The following DNAH10 variants were observed in gnomAD, a reference collection of about 807,000 sequenced individuals.
The protein encoded by DNAH10 is dynein axonemal heavy chain 10.
In DNAH10, 348 loss-of-function variants were observed where a neutral mutation model predicts 506.6. That is an observed-to-expected ratio of 0.69 (90% CI 0.63 to 0.75). DNAH10 has a LOEUF of 0.75. Among genes scored for constraint, DNAH10 ranks in the 30% least tolerant of loss-of-function variants. The pLI is 0.00. For missense variants in DNAH10, 5,179 were observed against 5,787.1 expected, an observed-to-expected ratio of 0.89 and a Z score of 3.41; for synonymous variants, 2,059 against 2,198.6, an observed-to-expected ratio of 0.94 and a Z score of 1.78.
At position 123,934,711 on chromosome 12, in the gene DNAH10, T is replaced by A; in HGVS notation, c.13568T>A (p.Val4523Glu). ...AAGAGCAAACCCAAGGTGCTGGTTG[T>A]GGACCTGCCGATCCTGAAGATCATC... ...LIKSKPKVLV[V>E]DLPILKIIPI... Residue 4523 changes from valine (V) to glutamate (E), a missense_variant, in exon 78 of 79, where the codon GTG becomes GAG. Transcript: ENST00000673944. The A allele has an allele frequency of 3.1e-6, 5 of 1,613,864 alleles. No homozygotes were observed. Among genetic ancestry groups the A allele is most frequent in the Non-Finnish European group, 4.2e-6 (5 of 1,179,862 alleles).
At chr12:123,793,819 T>G (rs1958176368) in intron 11 of DNAH10, 123 bp from the exon 12 acceptor site, 2 of 723,054 alleles carry the variant, frequency 2.8e-6, no homozygotes, top group Non-Finnish European at 3.6e-6. Flanking sequence ...GATACCAGTT[T>G]CCATTACTTA....
chr12:123,893,018 C>T (rs969034343), intron 52 of DNAH10, among the ~76,000 whole-genome samples: 10 of 152,200 alleles, frequency 6.6e-5, no homozygotes, highest in African/African-American at 1.9e-4. Context: ...GGCGAGCTGG[C>T]GGCATCTAGG....
Position 123,935,571 on chromosome 12 carries a change from A to G in DNAH10, c.*90A>G. 2 of 1,381,148 alleles carry G rather than the reference A, an allele frequency of 1.4e-6. No homozygotes were observed. Among genetic ancestry groups the G allele is most frequent in the Non-Finnish European group, 2.0e-6 (2 of 1,018,208 alleles). The allele number at this position is 1,381,148 out of a possible 1,614,324, so 85.6% of individuals were successfully genotyped here. ...CTGTCATTTCTTGGGGCCTCTCAAG[A>G]GGCAGGAGGGGGACTGACACTGATT... On this transcript the variant is annotated 3_prime_UTR_variant, in exon 79 of 79. Transcript: ENST00000673944.
intron 25 of DNAH10, among the ~76,000 whole-genome samples, chr12:123,828,708 C>T (rs1323202067): frequency 2.0e-5 from 3 of 152,140 alleles, no homozygotes; most frequent in African/African-American, 7.2e-5. Flanking sequence ...GCTGTCTTGT[C>T]TATGTTTTCC....
chr12:123,886,859 C>T lies in DNAH10; in HGVS notation c.8824-283C>T, dbSNP rs113520367. 6.6e-3 allele frequency among the ~76,000 whole-genome samples: 1,005 copies of T among 152,298 alleles called. 9 individuals carry two copies. The highest frequency in any genetic ancestry group is 0.022 in the African/African-American group (930 of 41,532). ...GTGCCTGCTTATTTCTCCCTGTGTG[C>T]GTCTTCCCACAGGGTCTGATTTTCT... On this transcript the variant is annotated intron_variant, in intron 51 of 78. Transcript: ENST00000673944.
chr12:123,848,587 A>C (rs1450099031), intron 33 of DNAH10, 143 bp from the exon 34 acceptor site: 9 of 1,176,978 alleles, frequency 7.6e-6, no homozygotes, highest in Non-Finnish European at 9.4e-6. Flanking sequence ...AGAAAAATCC[A>C]CTAGTCAAGT....
chr12:123,766,736 G>A (rs1957061202), intron 1 of DNAH10, among the ~76,000 whole-genome samples: 1 of 152,150 alleles, frequency 6.6e-6, no homozygotes, highest in Non-Finnish European at 1.5e-5. Flanking sequence ...AGTGGTGGTG[G>A]ATGAGGCACC....
At chr12:123,890,156 C>T (rs902644763) in intron 52 of DNAH10, among the ~76,000 whole-genome samples, 11 of 152,040 alleles carry the variant, frequency 7.2e-5, no homozygotes, top group Non-Finnish European at 1.0e-4. Context: ...GGGATCAGGA[C>T]GAGGTGGAGG....
intron 52 of DNAH10, 68 bp from the exon 53 acceptor site, chr12:123,893,165 C>A: frequency 1.4e-6 from 2 of 1,477,554 alleles, no homozygotes; most frequent in South Asian, 1.2e-5. Context: ...TTCCATCACT[C>A]AGTCAGCACT....
chr12:123,783,858 A>G, intron 7 of DNAH10, 89 bp from the exon 8 acceptor site: 1 of 1,226,832 alleles, frequency 8.2e-7, no homozygotes, highest in Non-Finnish European at 1.2e-6. Flanking sequence ...GAGCAGTTGG[A>G]CAGAAAGAAC....
In DNAH10 at chr12:123,785,908, C is replaced by A; in HGVS notation, c.1393C>A (p.Arg465=). Residue 465 remains arginine (R), a synonymous_variant, in exon 9 of 79, where the codon CGA becomes AGA. Transcript: ENST00000673944. The surrounding 1 kb of genome is among the most constrained non-coding windows in gnomAD (Gnocchi z 4.1). ...IAWEIAERVC[R]VVNLRTLFKE... The stretch of plus-strand genomic sequence containing the variant: ...CTGGGAAATCGCTGAGAGAGTCTGC[C>A]GAGTGGTCAACCTGCGGACTTTGTT... 6.2e-7 allele frequency: 1 copy of A among 1,613,628 alleles called. No homozygotes were observed. Among genetic ancestry groups the A allele is most frequent in the Non-Finnish European group, 8.5e-7 (1 of 1,179,572 alleles).
intron 41 of DNAH10, among the ~76,000 whole-genome samples, chr12:123,867,197 T>A (rs1318960892): frequency 2.6e-5 from 4 of 152,198 alleles, no homozygotes; most frequent in Non-Finnish European, 5.9e-5. Flanking sequence ...TCCTGTCAAA[T>A]GGGACCTGTT....
Position 123,841,263 on chromosome 12 carries a change from T to C in DNAH10, c.5137-59T>C, listed in dbSNP as rs191786044. On this transcript the variant is annotated intron_variant, in intron 29 of 78. Coordinates refer to ENST00000673944, the MANE Select transcript of DNAH10 (RefSeq NM_001372106.1). ...CTCTGCTGGATGGAGCACCGCTGGC[T>C]GGTCTTTGATTCCAGAACTCCGTGC... The C allele has an allele frequency of 4.5e-6, 7 of 1,570,928 alleles. No homozygotes were observed. The East Asian group carries it at 1.6e-4, about 35-fold the overall frequency.
chr12:123,786,012 T>C, intron 9 of DNAH10, 76 bp downstream of exon 9: 1 of 1,390,484 alleles, frequency 7.2e-7, no homozygotes. Flanking sequence ...ACAGCTCTAT[T>C]GAGCTATAAT....
chr12:123,891,473 C>T (rs1952978334), intron 52 of DNAH10, among the ~76,000 whole-genome samples: 1 of 152,136 alleles, frequency 6.6e-6, no homozygotes, highest in Non-Finnish European at 1.5e-5. Context: ...ACGTCAATTT[C>T]AGAGTCACTG....
rs796742287 is a variant in DNAH10 at position 123,929,313 on chromosome 12, G to A, written c.12345G>A (p.Met4115Ile). ...TEPPNGLKLNMRATYFKISHE... is the reference protein window; with the variant it reads ...TEPPNGLKLNIRATYFKISHE... ...CACCCAATGGGCTGAAACTCAACAT[G>A]AGGGCAACTTACTTCAAGATCTCTC... Residue 4115 changes from methionine (M) to isoleucine (I), a missense_variant, in exon 71 of 79, where the codon ATG becomes ATA. Met to Ile is a conservative substitution (Grantham distance 10, BLOSUM62 1). This residue lies in a region of DNAH10 where 4,844 missense variants were observed against 5,430.5 expected (regional missense o/e 0.89). Coordinates refer to ENST00000673944, the MANE Select transcript of DNAH10 (RefSeq NM_001372106.1). 6.2e-7 allele frequency: 1 copy of A among 1,605,042 alleles called. No homozygotes were observed. Among genetic ancestry groups the A allele is most frequent in the Non-Finnish European group, 8.5e-7 (1 of 1,175,882 alleles).
chr12:123,764,251 A>G (rs1218924967), intron 1 of DNAH10, among the ~76,000 whole-genome samples: 2 of 152,182 alleles, frequency 1.3e-5, no homozygotes, highest in Non-Finnish European at 2.9e-5. Flanking sequence ...ATAAACAACA[A>G]TAACAAATCC....
chr12:123,900,406 C>T (rs368788634), intron 56 of DNAH10, among the ~76,000 whole-genome samples: 8 of 152,146 alleles, frequency 5.3e-5, no homozygotes, highest in South Asian at 4.1e-4. Flanking sequence ...GGCTAGAAAC[C>T]GAATGAGACT....
intron 56 of DNAH10, among the ~76,000 whole-genome samples, chr12:123,899,460 G>A (rs1264599641): frequency 6.6e-6 from 1 of 152,112 alleles, no homozygotes. Flanking sequence ...TCTCCTGCTG[G>A]TCCGTGTTCG....
Sources: gnomAD v4.1 joint callset for allele counts (sites outside exome capture counted in the v4.1 genomes callset) on GRCh38, gnomAD v4.1.1 for gene constraint, gnomAD v4.1.1 regional missense constraint, Gnocchi (gnomAD v3.1) non-coding constraint, MANE v1.5 for transcripts, NCBI Gene and HGNC (gene_info 2026-07-23, HGNC 2026-07-21) for gene names.